Variants in MCM10 observed in about 807,000 individuals in gnomAD.
The protein encoded by MCM10 is minichromosome maintenance 10 replication initiation factor, also known as protein MCM10 homolog.
In MCM10, 91 loss-of-function variants were observed where a neutral mutation model predicts 109.9. The ratio of observed to expected loss-of-function variants is 0.83; its 90% CI spans 0.70 to 0.99. MCM10 has a LOEUF of 0.99. Among genes scored for constraint, MCM10 ranks in the 50% least tolerant of loss-of-function variants. The probability of loss-of-function intolerance (pLI) is 0.00; values close to 1 mark genes in which losing one functional copy is unlikely to be tolerated. For missense variants in MCM10, 1,077 were observed against 1,061.2 expected, an observed-to-expected ratio of 1.01 and a Z score of -0.21; for synonymous variants, 380 against 387.2, an observed-to-expected ratio of 0.98 and a Z score of 0.22.
At chr10:13,164,341 A>C in intron 2 of MCM10, 132 bp downstream of exon 2, 1 of 729,822 alleles carries the variant, frequency 1.4e-6, no homozygotes, top group Non-Finnish European at 2.1e-6. Context: ...AGTGGTTCTG[A>C]AGCAATCTCA....
chr10:13,170,526 A>G (rs1173578864), intron 2 of MCM10, among the ~76,000 whole-genome samples: 1 of 152,174 alleles, frequency 6.6e-6, no homozygotes, highest in Non-Finnish European at 1.5e-5. Context: ...ATGCTTGAGG[A>G]CATTTGGCCC....
At chr10:13,197,537 G>A in intron 14 of MCM10, 86 bp from the exon 15 acceptor site, 2 of 1,238,836 alleles carry the variant, frequency 1.6e-6, no homozygotes, top group Non-Finnish European at 1.1e-6. Flanking sequence ...AGAATTCACT[G>A]GTTACTAATA....
In MCM10 at chr10:13,177,998, C is replaced by T. The variant is rs115493895; in HGVS notation, c.764+2317C>T. On this transcript the variant is annotated intron_variant, in intron 6 of 19. Coordinates refer to ENST00000378714, the MANE Select transcript of MCM10 (RefSeq NM_018518.5). ...TTTTTGCTTTGGTTACCTGTGCTTT[C>T]GTGTTACTACTCAACAAATCTTAGC... is the stretch of plus-strand genomic sequence containing the variant. Among the ~76,000 whole-genome samples, 1,016 of 152,244 alleles carry T rather than the reference C, an allele frequency of 6.7e-3. 16 individuals carry two copies. The highest frequency in any genetic ancestry group is 0.022 in the African/African-American group (931 of 41,536).
intron 2 of MCM10, among the ~76,000 whole-genome samples, chr10:13,167,277 TA>T (rs1251425185): frequency 6.6e-6 from 1 of 151,950 alleles, no homozygotes; most frequent in African/African-American, 2.4e-5. Flanking sequence ...GGGAGGGCAT[TA>T]GGGGCAGGGG....
chr10:13,186,590 G>A (rs1188523355), intron 9 of MCM10, among the ~76,000 whole-genome samples: 1 of 152,136 alleles, frequency 6.6e-6, no homozygotes, highest in Non-Finnish European at 1.5e-5. Flanking sequence ...AATGAAAATT[G>A]TATTTTAGCC....
At chr10:13,167,376 G>T (rs1463834076) in intron 2 of MCM10, among the ~76,000 whole-genome samples, 1 of 152,182 alleles carries the variant, frequency 6.6e-6, no homozygotes, top group Non-Finnish European at 1.5e-5. Context: ...ATACTAGAGT[G>T]AGCGGGCTGA....
rs146531098 is a variant in MCM10, at chr10:13,166,360, G to A, written c.7+2151G>A. 8.5e-4 allele frequency among the ~76,000 whole-genome samples: 130 copies of A among 152,202 alleles called. 1 individual carries two copies. Among genetic ancestry groups the A allele is most frequent in the African/African-American group, 2.8e-3 (117 of 41,486 alleles). The stretch of plus-strand genomic sequence containing the variant: ...CTGTAAAATATAAGCCAAGGGCTGG[G>A]CGCTGTGGCTCACGCCTGTAATCCC... On this transcript the variant is annotated intron_variant, in intron 2 of 19. Coordinates refer to ENST00000378714, the MANE Select transcript of MCM10 (RefSeq NM_018518.5).
intron 18 of MCM10, among the ~76,000 whole-genome samples, chr10:13,204,983 C>CATGT (rs1291438585): frequency 3.0e-5 from 1 of 33,488 alleles, no homozygotes; most frequent in African/African-American, 8.5e-5. Context: ...TTGTGCTTCT[C>CATGT]ATGTATGTAT....
intron 9 of MCM10, 54 bp downstream of exon 9, chr10:13,186,334 A>G: frequency 1.6e-6 from 2 of 1,221,590 alleles, no homozygotes; most frequent in African/African-American, 1.5e-5. Context: ...ACAGTTAGGA[A>G]TAAACTGTTG....
chr10:13,197,683 A>G lies in MCM10; in HGVS notation c.2035A>G (p.Ser679Gly). Residue 679 changes from serine (S) to glycine (G), a missense_variant, in exon 15 of 20, where the codon AGC becomes GGC. Coordinates refer to ENST00000378714, the MANE Select transcript of MCM10 (RefSeq NM_018518.5). ...GQVLTKTNPN[S>G]IKKKQKDPQD... Reference sequence around the variant, plus strand: ...GGTTCTTACAAAAACAAACCCAAACAGCATTAAGAAGAAACAAAAGGACCC... The same window carrying G: ...GGTTCTTACAAAAACAAACCCAAACGGCATTAAGAAGAAACAAAAGGACCC... 1 of 1,614,120 alleles carries G rather than the reference A, an allele frequency of 6.2e-7. No homozygotes were observed. The highest frequency in any genetic ancestry group is 1.7e-5 in the Admixed American group (1 of 60,014).
chr10:13,197,834 C>A, intron 15 of MCM10, 67 bp downstream of exon 15: 1 of 1,499,060 alleles, frequency 6.7e-7, no homozygotes, highest in Non-Finnish European at 9.0e-7. Flanking sequence ...GTTCTAAACC[C>A]AAACCAGCAC....
chr10:13,186,639 T>A (rs902756413), intron 9 of MCM10, among the ~76,000 whole-genome samples: 4 of 152,192 alleles, frequency 2.6e-5, no homozygotes, highest in East Asian at 1.9e-4. Context: ...TAGGGCTTTT[T>A]AAAAAATAAT....
chr10:13,196,541 C>T (rs775564159), intron 14 of MCM10, among the ~76,000 whole-genome samples: 18 of 152,086 alleles, frequency 1.2e-4, no homozygotes, highest in Non-Finnish European at 1.6e-4. Flanking sequence ...GAGATGGAGT[C>T]TCGCTCTGTC....
rs953312027 is a variant in MCM10, at chr10:13,182,049, G to A, written c.931-884G>A. On this transcript the variant is annotated intron_variant, in intron 7 of 19. Coordinates refer to ENST00000378714, the MANE Select transcript of MCM10 (RefSeq NM_018518.5). This position sits in a 1 kb window ranked among gnomAD's most constrained non-coding sequence, Gnocchi z 4.2. The stretch of plus-strand genomic sequence containing the variant: ...TTATAATCGGTCAGCATTTTGAGCT[G>A]TATTTCTTCAGATACTTAATCATAC... Among the ~76,000 whole-genome samples the A allele has an allele frequency of 6.6e-5, 10 of 152,182 alleles. No homozygotes were observed. Among genetic ancestry groups the A allele is most frequent in the African/African-American group, 1.4e-4 (6 of 41,436 alleles).
chr10:13,188,101 C>T lies in MCM10; in HGVS notation c.1216-780C>T, dbSNP rs142780143. ...TGGAGGTTGCAGTGGGCCAGGATCA[C>T]GCCACTGCACTCCAGCCTGGGTGAC... On this transcript the variant is annotated intron_variant, in intron 9 of 19. Transcript: ENST00000378714. Among the ~76,000 whole-genome samples, 286 of 152,122 alleles carry T rather than the reference C, an allele frequency of 1.9e-3. 1 individual carries two copies. The highest frequency in any genetic ancestry group is 6.2e-3 in the African/African-American group (257 of 41,460).
At chr10:13,187,339 C>T (rs1274305958) in intron 9 of MCM10, among the ~76,000 whole-genome samples, 1 of 152,152 alleles carries the variant, frequency 6.6e-6, no homozygotes, top group Non-Finnish European at 1.5e-5. Flanking sequence ...AAATAATATT[C>T]CATTGTATGG....
intron 18 of MCM10, among the ~76,000 whole-genome samples, chr10:13,208,556 C>T (rs1834614341): frequency 1.0e-5 from 1 of 96,722 alleles, no homozygotes; most frequent in East Asian, 2.5e-4. Context: ...ATAGCAAAAT[C>T]CCATCTCTCC....
chr10:13,166,679 T>G (rs1236722646), intron 2 of MCM10, among the ~76,000 whole-genome samples: 22 of 130,198 alleles, frequency 1.7e-4, no homozygotes, highest in Non-Finnish European at 2.2e-4. Context: ...TATATATATA[T>G]ATATATATAT....
chr10:13,198,594 A>C, intron 15 of MCM10, 95 bp from the exon 16 acceptor site: 13 of 782,204 alleles, frequency 1.7e-5, no homozygotes, highest in Non-Finnish European at 2.9e-5. Flanking sequence ...GCTGGTAGGC[A>C]GAGGAGGAGG....
Sources: gnomAD v4.1 joint callset for allele counts (sites outside exome capture counted in the v4.1 genomes callset) on GRCh38, gnomAD v4.1.1 for gene constraint, Gnocchi (gnomAD v3.1) non-coding constraint, MANE v1.5 for transcripts, NCBI Gene and HGNC (gene_info 2026-07-23, HGNC 2026-07-21) for gene names.